The following PSMA8 variants were observed in gnomAD, a reference collection of about 807,000 sequenced individuals.
PSMA8 encodes proteasome subunit alpha-type 8.
In PSMA8, 18 loss-of-function variants were observed where a neutral mutation model predicts 32.4. The ratio of observed to expected loss-of-function variants is 0.56; its 90% CI spans 0.38 to 0.82. The LOEUF (loss-of-function observed/expected upper bound fraction) is 0.82. PSMA8 is among the 40% of genes least tolerant of loss of function. The pLI, the probability that PSMA8 is intolerant of heterozygous loss-of-function variation, is 0.00. For missense variants in PSMA8, 298 were observed against 300.7 expected, an observed-to-expected ratio of 0.99 and a Z score of 0.07; for synonymous variants, 104 against 98.1, an observed-to-expected ratio of 1.06 and a Z score of -0.36.
chr18:26,155,145 G>T (rs1304080141), intron 3 of PSMA8, among the ~76,000 whole-genome samples: 1 of 151,992 alleles, frequency 6.6e-6, no homozygotes, highest in Non-Finnish European at 1.5e-5. Context: ...TGAGGCAGGA[G>T]AATTGCTTGA....
chr18:26,158,330 T>A, intron 4 of PSMA8, 86 bp downstream of exon 4: 2 of 1,073,400 alleles, frequency 1.9e-6, no homozygotes, highest in Admixed American at 2.6e-5. Context: ...ACATGAAAAA[T>A]TATGTTGCAT....
chr18:26,178,052 A>G (rs1416017077), intron 4 of PSMA8, among the ~76,000 whole-genome samples: 2 of 152,080 alleles, frequency 1.3e-5, no homozygotes, highest in South Asian at 2.1e-4. Flanking sequence ...TATCTCTAAA[A>G]AAAATTCTTT....
chr18:26,134,038 C>A lies in PSMA8; in HGVS notation c.73C>A (p.Gln25Lys), dbSNP rs1392590715. 6.2e-7 allele frequency: 1 copy of A among 1,613,770 alleles called. No homozygotes were observed. The highest frequency in any genetic ancestry group is 8.5e-7 in the Non-Finnish European group (1 of 1,179,858). Reference protein sequence around the residue: ...DGHLFQVEYAQEAVKKGSTAV... With the variant: ...DGHLFQVEYAKEAVKKGSTAV... ...ACACCTTTTTCAAGTTGAATATGCC[C>A]AGGAAGCGGTGAAGAAAGGATCCAC... is the stretch of plus-strand genomic sequence containing the variant. Residue 25 changes from glutamine (Q) to lysine (K), a missense_variant, in exon 1 of 7, where the codon CAG (glutamine) becomes AAG (lysine). Gln to Lys is a moderately conservative substitution (Grantham distance 53). Coordinates refer to ENST00000415576, the MANE Select transcript of PSMA8 (RefSeq NM_001025096.2).
At chr18:26,165,822 G>T (rs571809959) in intron 4 of PSMA8, among the ~76,000 whole-genome samples, 1 of 152,102 alleles carries the variant, frequency 6.6e-6, no homozygotes, top group Admixed American at 6.6e-5. Flanking sequence ...ACGGCCAGGC[G>T]TGGTGGCTCA....
intron 6 of PSMA8, among the ~76,000 whole-genome samples, chr18:26,182,027 A>G (rs2055316181): frequency 6.6e-6 from 1 of 152,128 alleles, no homozygotes; most frequent in African/African-American, 2.4e-5. Context: ...AGCCTAATCC[A>G]GAGCAAAGTC....
chr18:26,144,184 G>A (rs1347810126), intron 1 of PSMA8, among the ~76,000 whole-genome samples: 6 of 152,102 alleles, frequency 3.9e-5, no homozygotes, highest in Non-Finnish European at 7.3e-5. Flanking sequence ...ATTAATTGGG[G>A]TGTGATAAAA....
chr18:26,155,181 G>A lies in PSMA8; in HGVS notation c.355-2941G>A, dbSNP rs7504411. ...ACCCAGGAGACGGAGGTTGCAGTAA[G>A]CCAAGATCATACCACCATACTCCAG... is the stretch of plus-strand genomic sequence containing the variant. On this transcript the variant is annotated intron_variant, in intron 3 of 6. Transcript: ENST00000415576. 2.4e-3 allele frequency among the ~76,000 whole-genome samples: 369 copies of A among 151,996 alleles called. 2 individuals are homozygous for A. The highest frequency in any genetic ancestry group is 8.7e-3 in the African/African-American group (360 of 41,416).
intron 4 of PSMA8, among the ~76,000 whole-genome samples, chr18:26,172,611 C>G (rs2055231964): frequency 6.6e-6 from 1 of 151,976 alleles, no homozygotes. Flanking sequence ...AGTTGAGAAG[C>G]CATATGCCAC....
chr18:26,135,983 T>C (rs1287336547), intron 1 of PSMA8, among the ~76,000 whole-genome samples: 1 of 152,218 alleles, frequency 6.6e-6, no homozygotes, highest in Non-Finnish European at 1.5e-5. Flanking sequence ...TGGCACTTGA[T>C]TATTAAAATA....
intron 4 of PSMA8, among the ~76,000 whole-genome samples, chr18:26,160,560 T>C (rs1390068404): frequency 6.6e-6 from 1 of 152,220 alleles, no homozygotes; most frequent in Admixed American, 6.5e-5. Context: ...TTTGTTTGGA[T>C]CTGTGTTTTA....
chr18:26,178,720 A>G (rs1419687224), intron 4 of PSMA8, 110 bp from the exon 5 acceptor site: 3 of 910,782 alleles, frequency 3.3e-6, no homozygotes, highest in Non-Finnish European at 4.9e-6. Context: ...TTCATTTGGT[A>G]ATTTTATTAA....
At chr18:26,171,373 A>G in intron 4 of PSMA8, 1 of 1,329,544 alleles carries the variant, frequency 7.5e-7, no homozygotes, top group Non-Finnish European at 1.1e-6. Context: ...TTTTGTTATG[A>G]CATACCAAGC....
At chr18:26,152,482 G>A (rs2055054706) in intron 3 of PSMA8, among the ~76,000 whole-genome samples, 1 of 151,958 alleles carries the variant, frequency 6.6e-6, no homozygotes, top group South Asian at 2.1e-4. Flanking sequence ...AAGCCACCAT[G>A]CCCAGCAAAT....
At chr18:26,166,095 C>G (rs1441209765) in intron 4 of PSMA8, among the ~76,000 whole-genome samples, 4 of 151,984 alleles carry the variant, frequency 2.6e-5, no homozygotes, top group Non-Finnish European at 5.9e-5. Context: ...GAGTGAGACT[C>G]TGTCTCAAAA....
intron 6 of PSMA8, among the ~76,000 whole-genome samples, chr18:26,183,049 G>T (rs2055324763): frequency 6.7e-6 from 1 of 148,246 alleles, no homozygotes; most frequent in Non-Finnish European, 1.5e-5. Flanking sequence ...CCAAGATCAT[G>T]CTATCGCACT....
chr18:26,135,456 T>TTA (rs1555659606), intron 1 of PSMA8, among the ~76,000 whole-genome samples: 1 of 148,508 alleles, frequency 6.7e-6, no homozygotes, highest in Non-Finnish European at 1.5e-5. Context: ...ATGTAAGTGG[T>TTA]AAAAAAAAAA....
chr18:26,182,469 C>G (rs986353030), intron 6 of PSMA8, among the ~76,000 whole-genome samples: 1 of 152,146 alleles, frequency 6.6e-6, no homozygotes, highest in Non-Finnish European at 1.5e-5. Flanking sequence ...GCATAGTATA[C>G]TGAATATTTT....
Position 26,192,475 on chromosome 18 carries a change from G to A in PSMA8, c.*64G>A. On this transcript the variant is annotated 3_prime_UTR_variant, in exon 7 of 7. Coordinates refer to ENST00000415576, the MANE Select transcript of PSMA8 (RefSeq NM_001025096.2). ...TTATTGTACTGCCTGAGGTTGTTTAGTGAAATTTTAGAGGAAAACAGTTAT... is the reference window on the plus strand; with the variant it reads ...TTATTGTACTGCCTGAGGTTGTTTAATGAAATTTTAGAGGAAAACAGTTAT... 1.4e-6 allele frequency: 2 copies of A among 1,463,742 alleles called. No homozygotes were observed. Among genetic ancestry groups the A allele is most frequent in the South Asian group, 3.0e-5 (2 of 67,420 alleles). 90.7% of individuals were successfully genotyped at this position (1,463,742 alleles called of 1,614,324 possible). A position where few individuals can be genotyped will look rare whatever the true frequency, so the allele number is the denominator to read the frequency against.
chr18:26,143,168 G>T (rs1221944001), intron 1 of PSMA8, among the ~76,000 whole-genome samples: 3 of 152,048 alleles, frequency 2.0e-5, no homozygotes, highest in Non-Finnish European at 4.4e-5. Context: ...TAACATTGAT[G>T]AGAAAAAAAA....
Sources: allele counts gnomAD v4.1 joint callset (sites outside exome capture counted in the v4.1 genomes callset), GRCh38; gene constraint gnomAD v4.1.1; transcripts MANE v1.5; gene names NCBI Gene and HGNC (gene_info 2026-07-23, HGNC 2026-07-21).